Variants in TTF2 observed in about 807,000 individuals in gnomAD.
TTF2 encodes the protein RNA polymerase II termination factor.
In TTF2, 108 loss-of-function variants were observed where a neutral mutation model predicts 142.4. That is an observed-to-expected ratio of 0.76 (90% CI 0.65 to 0.89). The LOEUF (loss-of-function observed/expected upper bound fraction) is 0.89, where lower values mean the gene tolerates loss of function less well. TTF2 is among the 40% of genes least tolerant of loss of function. The pLI is 0.00. For synonymous variants in TTF2, 483 were observed against 506.2 expected, an observed-to-expected ratio of 0.95 and a Z score of 0.61; for missense variants, 1,327 against 1,379.8, an observed-to-expected ratio of 0.96 and a Z score of 0.61.
intron 9 of TTF2, 109 bp from the exon 10 acceptor site, chr1:117,081,719 A>C: frequency 2.9e-6 from 4 of 1,364,974 alleles, no homozygotes; most frequent in Non-Finnish European, 4.0e-6. Flanking sequence ...ACGGAGTGGC[A>C]CTGACAGAGA....
intron 19 of TTF2, 117 bp from the exon 20 acceptor site, chr1:117,096,032 G>T (rs185797346): frequency 1.8e-6 from 2 of 1,129,876 alleles, no homozygotes; most frequent in African/African-American, 1.6e-5. Flanking sequence ...GTAGCAGAAG[G>T]CCTTTCCTTG....
chr1:117,100,272 T>G lies in TTF2; in HGVS notation c.3345-1108T>G, dbSNP rs1325863322. The stretch of plus-strand genomic sequence containing the variant: ...TCTAATTATCTAGCCAGAACTAGAC[T>G]CCTACCTTTCTCGCTTTTCCACTTA... On this transcript the variant is annotated intron_variant, in intron 22 of 22. Transcript: ENST00000369466. This position sits in a 1 kb window ranked among gnomAD's most constrained non-coding sequence, Gnocchi z 4.6. Among the ~76,000 whole-genome samples the G allele has an allele frequency of 2.6e-5, 4 of 152,348 alleles. No homozygotes were observed. The highest frequency in any genetic ancestry group is 6.8e-3 in the Middle Eastern group (2 of 294).
In TTF2 at chr1:117,063,107, A is replaced by G. The variant is rs1655815567; in HGVS notation, c.218+634A>G. ...AAGGCTGGCCAGGAAGGTAGGGGTCAGGATGTGATAGATGGTCTTTGTGTG... is the reference window on the plus strand; with the variant it reads ...AAGGCTGGCCAGGAAGGTAGGGGTCGGGATGTGATAGATGGTCTTTGTGTG... On this transcript the variant is annotated intron_variant, in intron 3 of 22. Coordinates refer to ENST00000369466, the MANE Select transcript of TTF2 (RefSeq NM_003594.4). The surrounding 1 kb of genome is among the most constrained non-coding windows in gnomAD (Gnocchi z 4.1). 6.6e-6 allele frequency among the ~76,000 whole-genome samples: 1 copy of G among 152,204 alleles called. No individual in the cohort carries two copies. The highest frequency in any genetic ancestry group is 2.4e-5 in the African/African-American group (1 of 41,456).
intron 12 of TTF2, among the ~76,000 whole-genome samples, chr1:117,088,123 GA>G (rs1648194412): frequency 6.6e-6 from 1 of 152,198 alleles, no homozygotes; most frequent in Non-Finnish European, 1.5e-5. Context: ...TAGACTTTTG[GA>G]AAATTGTTAG....
rs1366109807 is a variant in TTF2, at chr1:117,079,709, G to A, written c.1783+60G>A. On this transcript the variant is annotated intron_variant, in intron 9 of 22. Transcript: ENST00000369466. The surrounding 1 kb of genome is among the most constrained non-coding windows in gnomAD (Gnocchi z 4.2). ...AATGCTTAGGCATTGTGCTAAACAC[G>A]TAGTGTTGTTTCATTTATTCCTCTC... The A allele has an allele frequency of 1.1e-5, 16 of 1,483,404 alleles. No individual in the cohort carries two copies. The highest frequency in any genetic ancestry group is 3.4e-5 in the Admixed American group (2 of 59,596). The allele number at this position is 1,483,404 out of a possible 1,614,324, so 91.9% of individuals were successfully genotyped here.
At chr1:117,078,710 G>A (rs150497078) in intron 8 of TTF2, among the ~76,000 whole-genome samples, 2 of 152,252 alleles carry the variant, frequency 1.3e-5, no homozygotes, top group East Asian at 1.9e-4. Context: ...GTATGGAATC[G>A]CTGTAGCATT....
At chr1:117,098,726 T>G in intron 21 of TTF2, 107 bp from the exon 22 acceptor site, 1 of 923,926 alleles carries the variant, frequency 1.1e-6, no homozygotes, top group South Asian at 1.7e-5. Flanking sequence ...TAACAATAAT[T>G]TTTAGCTACA....
Position 117,062,470 on chromosome 1 carries a change from AC to A in TTF2, c.216del (p.Tyr72Ter). The A allele has an allele frequency of 6.2e-7, 1 of 1,611,490 alleles. No individual in the cohort carries two copies. The highest frequency in any genetic ancestry group is 8.5e-7 in the Non-Finnish European group (1 of 1,179,450). On this transcript the variant is annotated frameshift_variant and splice_region_variant, in exon 3 of 23. Transcript: ENST00000369466. LOFTEE classifies it high-confidence loss of function. ...GLLLPQDKKEYRLFFRCIRSK... is the reference protein window; with the variant it reads ...GLLLPQDKKEXRLFFRCIRSK... Reference sequence around the variant, plus strand: ...CTTCTGCCACAGGACAAGAAAGAATACAGGTAAGGGTCCAAAAGGAACATCT... The same window carrying A: ...CTTCTGCCACAGGACAAGAAAGAATAAGGTAAGGGTCCAAAAGGAACATCT...
intron 2 of TTF2, 122 bp downstream of exon 2, chr1:117,060,679 AGGACCCTTTAAGCAATT>A (rs900389014): frequency 9.6e-6 from 9 of 941,716 alleles, no homozygotes; most frequent in Non-Finnish European, 1.5e-6. Context: ...TTGCGGTGTC[AGGACCCTTTAAGCAATT>A]GGTGATCCCA....
In TTF2 at chr1:117,079,242, AAAT is replaced by A. The variant is rs2101048811; in HGVS notation, c.1702-323_1702-321del. ...GCAACAGAGCGAGGCTGTCTCAAAA[AAAT>A]AAAAATAAAAAAATAAAAGCTGTAG... On this transcript the variant is annotated intron_variant, in intron 8 of 22. Coordinates refer to ENST00000369466, the MANE Select transcript of TTF2 (RefSeq NM_003594.4). The surrounding 1 kb of genome is among the most constrained non-coding windows in gnomAD (Gnocchi z 4.2). Among the ~76,000 whole-genome samples the A allele has an allele frequency of 6.6e-6, 1 of 152,314 alleles. No homozygotes were observed. The highest frequency in any genetic ancestry group is 2.1e-4 in the South Asian group (1 of 4,830).
chr1:117,091,286 G>A, intron 15 of TTF2, 42 bp from the exon 16 acceptor site: 3 of 1,555,034 alleles, frequency 1.9e-6, no homozygotes, highest in Middle Eastern at 1.7e-4. Context: ...AGGTCTTAGT[G>A]ACCATTATAC....
rs1346554765 is a variant in TTF2, at chr1:117,076,956, A to G, written c.1573+133A>G. The G allele has an allele frequency of 3.3e-6, 2 of 600,430 alleles. No individual in the cohort carries two copies. Among genetic ancestry groups the G allele is most frequent in the African/African-American group, 1.9e-5 (1 of 52,990 alleles). 37.2% of individuals were successfully genotyped at this position (600,430 alleles called of 1,614,324 possible). A position where few individuals can be genotyped will look rare whatever the true frequency, so the allele number is the denominator to read the frequency against. ...CTGTGGTTCAAAAAAAGGTGAGTAC[A>G]GTACAGTAAGATATTTTGAGAGAGA... is the stretch of plus-strand genomic sequence containing the variant. On this transcript the variant is annotated intron_variant, in intron 7 of 22. Coordinates refer to ENST00000369466, the MANE Select transcript of TTF2 (RefSeq NM_003594.4). This position sits in a 1 kb window ranked among gnomAD's most constrained non-coding sequence, Gnocchi z 4.6.
In TTF2 at chr1:117,079,668, G is replaced by A. The variant is rs1466811558; in HGVS notation, c.1783+19G>A. On this transcript the variant is annotated intron_variant, in intron 9 of 22. Coordinates refer to ENST00000369466, the MANE Select transcript of TTF2 (RefSeq NM_003594.4). This position sits in a 1 kb window ranked among gnomAD's most constrained non-coding sequence, Gnocchi z 4.2. ...ATTCTGGGTAAGTGTGGTATTATAA[G>A]AGTCAGCCTTTATTGAATGCTTAGG... 1 of 1,611,072 alleles carries A rather than the reference G, an allele frequency of 6.2e-7. No individual in the cohort carries two copies.
At position 117,073,539 on chromosome 1, in the gene TTF2, A is replaced by G. The variant is rs1656755478; in HGVS notation, c.219-122A>G. The G allele has an allele frequency of 2.2e-5, 19 of 847,648 alleles. No individual in the cohort carries two copies. The highest frequency in any genetic ancestry group is 3.4e-5 in the Non-Finnish European group (19 of 561,488). The allele number at this position is 847,648 out of a possible 1,614,324, so 52.5% of individuals were successfully genotyped here. A position where few individuals can be genotyped will look rare whatever the true frequency, so the allele number is the denominator to read the frequency against. On this transcript the variant is annotated intron_variant, in intron 3 of 22. Transcript: ENST00000369466. This position sits in a 1 kb window ranked among gnomAD's most constrained non-coding sequence, Gnocchi z 4.4. ...TGTGTATATAAAAGTAATTGGTTTCAAGTGACCTCCCAAAGCCAGGTTCAA... is the reference window on the plus strand; with the variant it reads ...TGTGTATATAAAAGTAATTGGTTTCGAGTGACCTCCCAAAGCCAGGTTCAA...
rs925406460 is a variant in TTF2 at position 117,100,765 on chromosome 1, TCTC to T, written c.3345-609_3345-607del. Among the ~76,000 whole-genome samples the T allele has an allele frequency of 1.2e-4, 19 of 152,300 alleles. No individual in the cohort carries two copies. The highest frequency in any genetic ancestry group is 4.3e-4 in the African/African-American group (18 of 41,556). Reference sequence around the variant, plus strand: ...CCTGACTACCCTGGACACATTTCCTTCTCCTCCTTTTGCACACGGCACATACTT... The same window carrying T: ...CCTGACTACCCTGGACACATTTCCTTCTCCTTTTGCACACGGCACATACTT... On this transcript the variant is annotated intron_variant, in intron 22 of 22. Coordinates refer to ENST00000369466, the MANE Select transcript of TTF2 (RefSeq NM_003594.4). The surrounding 1 kb of genome is among the most constrained non-coding windows in gnomAD (Gnocchi z 4.6).
At position 117,077,984 on chromosome 1, in the gene TTF2, C is replaced by T. The variant is rs186043416; in HGVS notation, c.1642C>T (p.Arg548Cys). 28 of 1,614,178 alleles carry T rather than the reference C, an allele frequency of 1.7e-5. No individual in the cohort carries two copies. Among genetic ancestry groups the T allele is most frequent in the Admixed American group, 1.7e-4 (10 of 60,020 alleles). ...AAGTGAAGCCATCGGTCAACTGCATCGCTCACTTGAGTCATGTCCTGGTGA... is the reference window on the plus strand; with the variant it reads ...AAGTGAAGCCATCGGTCAACTGCATTGCTCACTTGAGTCATGTCCTGGTGA... ...ITSEAIGQLH[R>C]SLESCPGETV... The change falls in exon 8 of 23, where the codon CGC (arginine) becomes TGC (cysteine). Residue 548 changes from arginine (R) to cysteine (C), a missense_variant. Physicochemically the swap from Arg to Cys is radical, Grantham distance 180. Transcript: ENST00000369466.
chr1:117,075,594 CA>C lies in TTF2; in HGVS notation c.1011del (p.Leu339PhefsTer40), dbSNP rs1656930037. The stretch of plus-strand genomic sequence containing the variant: ...GCGGCTCAGGCTGCACCAGCAGCAC[CA>C]GGGCTTTCCCTGGGTGAGGGCCGTG... ...GPAAQAAPAA[P>X]GLSLGEGREA... On this transcript the variant is annotated frameshift_variant, in exon 5 of 23. Coordinates refer to ENST00000369466, the MANE Select transcript of TTF2 (RefSeq NM_003594.4). LOFTEE classifies it high-confidence loss of function. This position sits in a 1 kb window ranked among gnomAD's most constrained non-coding sequence, Gnocchi z 4.5. 1 of 1,614,040 alleles carries C rather than the reference CA, an allele frequency of 6.2e-7. No homozygotes were observed. The highest frequency in any genetic ancestry group is 1.7e-5 in the Admixed American group (1 of 60,002).
In TTF2 at chr1:117,076,143, G is replaced by T; in HGVS notation, c.1276-37G>T. 1 of 1,573,808 alleles carries T rather than the reference G, an allele frequency of 6.4e-7. No homozygotes were observed. Among genetic ancestry groups the T allele is most frequent in the South Asian group, 1.1e-5 (1 of 89,944 alleles). ...TCTGAAACTATTCATCTAACAGTGT[G>T]AGAGGAGAGATCCATTTGATGGAAT... On this transcript the variant is annotated intron_variant, in intron 5 of 22. Transcript: ENST00000369466. The surrounding 1 kb of genome is among the most constrained non-coding windows in gnomAD (Gnocchi z 4.6).
At chr1:117,083,281 C>T (rs1299154916) in intron 10 of TTF2, among the ~76,000 whole-genome samples, 1 of 151,608 alleles carries the variant, frequency 6.6e-6, no homozygotes, top group Non-Finnish European at 1.5e-5. Flanking sequence ...CATCTGCTCT[C>T]AGGGCCTCTA....
Sources: allele counts gnomAD v4.1 joint callset (sites outside exome capture counted in the v4.1 genomes callset), GRCh38; gene constraint gnomAD v4.1.1; non-coding constraint Gnocchi (gnomAD v3.1); transcripts MANE v1.5; gene names NCBI Gene and HGNC (gene_info 2026-07-23, HGNC 2026-07-21).